The following TLCD4 variants were observed in gnomAD, a reference collection of about 807,000 sequenced individuals.
TLCD4 encodes the protein TLC domain-containing protein 4.
In TLCD4, 7 loss-of-function variants were observed where a neutral mutation model predicts 24.2. The ratio of observed to expected loss-of-function variants is 0.29; its 90% CI spans 0.16 to 0.54. TLCD4 has a LOEUF of 0.54. Among genes scored for constraint, TLCD4 ranks in the 20% least tolerant of loss-of-function variants. TLCD4 has a pLI of 0.95. For missense variants in TLCD4, 259 were observed against 313.9 expected (o/e 0.82, Z 1.32); for synonymous variants, 103 against 106.4 (o/e 0.97, Z 0.20).
intron 5 of TLCD4, among the ~76,000 whole-genome samples, chr1:95,153,344 T>C (rs963690102): frequency 2.0e-5 from 3 of 152,140 alleles, no homozygotes; most frequent in Non-Finnish European, 4.4e-5. Context: ...AAAGCAAGCT[T>C]ATGAGATAAC....
intron 6 of TLCD4, among the ~76,000 whole-genome samples, chr1:95,178,281 A>T (rs544562766): frequency 6.6e-6 from 1 of 150,536 alleles, no homozygotes; most frequent in South Asian, 2.1e-4. Context: ...TGTTTTTGAG[A>T]TGGAGTCTTA....
chr1:95,111,022 T>C, the TLCD4 span, among the ~76,000 whole-genome samples: 1 of 152,130 alleles, frequency 6.6e-6, no homozygotes, highest in Non-Finnish European at 1.5e-5. Flanking sequence ...CCAGGTGTGG[T>C]GGCTCATTCC....
At chr1:95,102,618 G>A in the TLCD4 span, among the ~76,000 whole-genome samples, 1 of 152,160 alleles carries the variant, frequency 6.6e-6, no homozygotes, top group East Asian at 1.9e-4. Flanking sequence ...GTTTTAGATG[G>A]CATACGTGGA....
Position 95,192,010 on chromosome 1 carries a change from G to C in TLCD4, c.*142G>C. On this transcript the variant is annotated 3_prime_UTR_variant, in exon 7 of 7. Transcript: ENST00000370203. ...GTCATTTTTTTTAAACCTTAGAAAAGAGAAGGCCGGGCACGGTGGCTCATG... is the reference window on the plus strand; with the variant it reads ...GTCATTTTTTTTAAACCTTAGAAAACAGAAGGCCGGGCACGGTGGCTCATG... 2 of 1,440,532 alleles carry C rather than the reference G, an allele frequency of 1.4e-6. No homozygotes were observed. Among genetic ancestry groups the C allele is most frequent in the South Asian group, 1.5e-5 (1 of 66,096 alleles). The allele number at this position is 1,440,532 out of a possible 1,614,324, so 89.2% of individuals were successfully genotyped here.
the TLCD4 span, among the ~76,000 whole-genome samples, chr1:95,103,128 G>A: frequency 2.6e-4 from 39 of 152,128 alleles, no homozygotes; most frequent in Non-Finnish European, 5.0e-4. Context: ...ACAGGCATGC[G>A]CCACCATGCC....
intron 1 of TLCD4, among the ~76,000 whole-genome samples, chr1:95,136,063 A>T (rs1677033213): frequency 6.6e-6 from 1 of 151,588 alleles, no homozygotes; most frequent in South Asian, 2.1e-4. Context: ...TTTTTTTTTA[A>T]GAAATCTTGT....
intron 5 of TLCD4, among the ~76,000 whole-genome samples, chr1:95,166,565 TGACTG>T (rs1415190965): frequency 2.6e-5 from 4 of 152,194 alleles, no homozygotes; most frequent in Non-Finnish European, 5.9e-5. Flanking sequence ...CAGTCCTTCC[TGACTG>T]TAATGATCTG....
chr1:95,155,226 T>G (rs1286891452), intron 5 of TLCD4, among the ~76,000 whole-genome samples: 1 of 151,946 alleles, frequency 6.6e-6, no homozygotes, highest in Non-Finnish European at 1.5e-5. Flanking sequence ...AATCCAGACT[T>G]CCATAATCGC....
At chr1:95,185,456 C>A (rs917795840) in intron 6 of TLCD4, among the ~76,000 whole-genome samples, 12 of 152,120 alleles carry the variant, frequency 7.9e-5, no homozygotes, top group Admixed American at 2.0e-4. Context: ...TGGGTTTGAA[C>A]TGTATGAGTC....
intron 1 of TLCD4, among the ~76,000 whole-genome samples, chr1:95,142,297 T>C (rs1677221861): frequency 6.7e-6 from 1 of 150,348 alleles, no homozygotes; most frequent in East Asian, 1.9e-4. Flanking sequence ...AAATCTTTTT[T>C]TTTTTTTTTT....
At chr1:95,183,869 A>C (rs1010732552) in intron 6 of TLCD4, among the ~76,000 whole-genome samples, 1 of 152,096 alleles carries the variant, frequency 6.6e-6, no homozygotes, top group African/African-American at 2.4e-5. Flanking sequence ...AAACAAAAAA[A>C]ACAAAAAAAC....
intron 5 of TLCD4, among the ~76,000 whole-genome samples, chr1:95,153,939 G>C (rs1677559867): frequency 6.6e-6 from 1 of 152,078 alleles, no homozygotes; most frequent in African/African-American, 2.4e-5. Flanking sequence ...AAGAGAGGTA[G>C]GGGAGACTTC....
At chr1:95,119,517 G>C (rs1007938599) in intron 1 of TLCD4, among the ~76,000 whole-genome samples, 1 of 152,176 alleles carries the variant, frequency 6.6e-6, no homozygotes, top group African/African-American at 2.4e-5. Flanking sequence ...ATTCCCAATT[G>C]AGAAATGGGA....
rs778825028 is a variant in TLCD4, at chr1:95,148,803, C to T, written c.245+12C>T. ...GCTGATCCACTTTGGTAAGCTGTTT[C>T]TTTTTCTAAGATTGCCAATTTCATT... On this transcript the variant is annotated intron_variant, in intron 3 of 6. Coordinates refer to ENST00000370203, the MANE Select transcript of TLCD4 (RefSeq NM_152487.3). The T allele has an allele frequency of 2.5e-6, 4 of 1,606,902 alleles. No homozygotes were observed. The East Asian group carries it at 8.9e-5, about 36-fold the overall frequency.
At chr1:95,151,690 AG>A (rs1275073222) in intron 5 of TLCD4, among the ~76,000 whole-genome samples, 28 of 152,220 alleles carry the variant, frequency 1.8e-4, no homozygotes, top group African/African-American at 6.7e-4. Flanking sequence ...TAAAACCTTC[AG>A]GATTGTTGTA....
At chr1:95,132,336 A>G (rs2100917885) in intron 1 of TLCD4, among the ~76,000 whole-genome samples, 1 of 152,132 alleles carries the variant, frequency 6.6e-6, no homozygotes, top group East Asian at 1.9e-4. Flanking sequence ...ACACGTCTGT[A>G]ATCCCAGCTA....
intron 5 of TLCD4, 52 bp from the exon 6 acceptor site, chr1:95,173,764 A>T (rs1455481573): frequency 6.2e-7 from 1 of 1,610,992 alleles, no homozygotes; most frequent in Non-Finnish European, 8.5e-7. Flanking sequence ...GGTATTTGGG[A>T]ATTTTGTTAA....
At chr1:95,140,912 T>C (rs1180922664) in intron 1 of TLCD4, among the ~76,000 whole-genome samples, 1 of 152,232 alleles carries the variant, frequency 6.6e-6, no homozygotes, top group Non-Finnish European at 1.5e-5. Context: ...AGCTGCTTCC[T>C]ACCAGAAGCC....
At chr1:95,156,940 CAGA>C (rs1677650444) in intron 5 of TLCD4, among the ~76,000 whole-genome samples, 1 of 151,760 alleles carries the variant, frequency 6.6e-6, no homozygotes, top group African/African-American at 2.4e-5. Context: ...GGTCAGGGAC[CAGA>C]AGAAGAATGA....
Sources: gnomAD v4.1 joint callset for allele counts (sites outside exome capture counted in the v4.1 genomes callset) on GRCh38, gnomAD v4.1.1 for gene constraint, MANE v1.5 for transcripts, NCBI Gene and HGNC (gene_info 2026-07-23, HGNC 2026-07-21) for gene names.